Variants in INSC observed in about 807,000 individuals in gnomAD.
INSC encodes the protein protein inscuteable homolog.
In INSC, 67 loss-of-function variants were observed where a neutral mutation model predicts 58.6. The observed-to-expected ratio is 1.14, with a 90% CI of 0.94 to 1.40. The LOEUF (loss-of-function observed/expected upper bound fraction) is 1.40. Among genes scored for constraint, INSC ranks in the 40% most tolerant of loss-of-function variants. INSC has a pLI of 0.00. For synonymous variants in INSC, 262 were observed against 276.1 expected, an observed-to-expected ratio of 0.95 and a Z score of 0.51; for missense variants, 714 against 692.0, an observed-to-expected ratio of 1.03 and a Z score of -0.36.
At position 15,238,853 on chromosome 11, in the gene INSC, C is replaced by T. The variant is rs536327823; in HGVS notation, c.1238-66C>T. 9 of 1,538,678 alleles carry T rather than the reference C, an allele frequency of 5.8e-6. 1 individual carries two copies. The East Asian group carries it at 2.0e-4, about 35-fold the overall frequency. ...TGCTTGCACCCTGCAGCCATCTGTC[C>T]AGCTGGCCCCATGGGGAAGGCTCCA... On this transcript the variant is annotated intron_variant, in intron 10 of 12. Coordinates refer to ENST00000379556, the MANE Select transcript of INSC (RefSeq NM_001042536.3).
At chr11:15,156,528 G>T (rs916137776) in intron 2 of INSC, among the ~76,000 whole-genome samples, 8 of 152,194 alleles carry the variant, frequency 5.3e-5, no homozygotes. Context: ...AATCTCATAG[G>T]ATTGTTTTGA....
rs746029647 is a variant in INSC, at chr11:15,225,673, G to A, written c.1015G>A (p.Gly339Arg). The change falls in exon 9 of 13, where the codon GGG becomes AGG. Residue 339 changes from glycine (G) to arginine (R), a missense_variant. Transcript: ENST00000379556. ...AGAACTGTGCCAAGAGGCCTCATCA[G>A]GGGAAGTCTTCCTACTGGCCTCTGC... is the stretch of plus-strand genomic sequence containing the variant. ...LVKLCQEASS[G>R]EVFLLASAAL... is the part of the protein sequence containing the mutation. 1 of 1,614,044 alleles carries A rather than the reference G, an allele frequency of 6.2e-7. No homozygotes were observed. Among genetic ancestry groups the A allele is most frequent in the African/African-American group, 1.3e-5 (1 of 74,936 alleles).
intron 10 of INSC, among the ~76,000 whole-genome samples, chr11:15,236,208 T>A (rs2133970302): frequency 6.6e-6 from 1 of 151,618 alleles, no homozygotes; most frequent in South Asian, 2.1e-4. Context: ...AGATAATGTA[T>A]AAGAAGATAG....
At chr11:15,222,254 A>G (rs1851472256) in intron 8 of INSC, among the ~76,000 whole-genome samples, 1 of 152,204 alleles carries the variant, frequency 6.6e-6, no homozygotes, top group South Asian at 2.1e-4. Context: ...AATTATAGAA[A>G]CTGAAAGCGC....
At chr11:15,269,258 T>C in the INSC span, among the ~76,000 whole-genome samples, 1 of 152,094 alleles carries the variant, frequency 6.6e-6, no homozygotes, top group Non-Finnish European at 1.5e-5. Context: ...AATCTTTGCC[T>C]ATTATATATT....
intron 12 of INSC, among the ~76,000 whole-genome samples, chr11:15,243,902 T>C (rs1334531840): frequency 2.7e-5 from 4 of 147,366 alleles, no homozygotes; most frequent in Non-Finnish European, 4.4e-5. Flanking sequence ...TTTTTTTTTT[T>C]CCTCCATCTC....
At chr11:15,162,184 C>A (rs1239394011) in intron 2 of INSC, among the ~76,000 whole-genome samples, 7 of 152,116 alleles carry the variant, frequency 4.6e-5, no homozygotes, top group Non-Finnish European at 1.5e-5. Context: ...AGAATAAAAC[C>A]CAAAGTGCTT....
Position 15,125,117 on chromosome 11 carries a change from A to G in INSC, c.-46+10114A>G, listed in dbSNP as rs557100526. Among the ~76,000 whole-genome samples the G allele has an allele frequency of 6.1e-4, 93 of 152,320 alleles. 1 individual carries two copies. Among genetic ancestry groups the G allele is most frequent in the African/African-American group, 2.0e-3 (83 of 41,572 alleles). ...TGGGAGGTGGTTTATATATTTATAC[A>G]GGGTCAGGAGGTTTTCTCTGATAAG... is the stretch of plus-strand genomic sequence containing the variant. On this transcript the variant is annotated intron_variant, in intron 1 of 12. Transcript: ENST00000379556.
chr11:15,229,961 TATATATATATATATATA>T (rs1851799554), intron 9 of INSC, among the ~76,000 whole-genome samples: 6 of 33,212 alleles, frequency 1.8e-4, no homozygotes, highest in East Asian at 1.7e-3. Context: ...TATATATATT[TATATATATATATATATA>T]TTATATATAT....
At chr11:15,220,872 A>G (rs1490422125) in intron 7 of INSC, among the ~76,000 whole-genome samples, 1 of 152,236 alleles carries the variant, frequency 6.6e-6, no homozygotes, top group Non-Finnish European at 1.5e-5. Context: ...CAAGGCCACC[A>G]GGGAAGCAGC....
chr11:15,227,674 T>G (rs1431036750), intron 9 of INSC, among the ~76,000 whole-genome samples: 2 of 152,202 alleles, frequency 1.3e-5, no homozygotes, highest in Non-Finnish European at 2.9e-5. Flanking sequence ...TTGGCTTGAT[T>G]GACTCCTGAG....
chr11:15,225,430 G>A (rs1255207586), intron 8 of INSC, among the ~76,000 whole-genome samples: 1 of 152,102 alleles, frequency 6.6e-6, no homozygotes, highest in Non-Finnish European at 1.5e-5. Flanking sequence ...ATACTTATTG[G>A]ATGAAGGAGT....
intron 9 of INSC, 65 bp from the exon 10 acceptor site, chr11:15,235,537 C>A: frequency 7.8e-7 from 1 of 1,275,536 alleles, no homozygotes; most frequent in Non-Finnish European, 1.1e-6. Flanking sequence ...GCTGACCTGT[C>A]TGTAGGGAGG....
upstream of INSC, among the ~76,000 whole-genome samples, chr11:15,114,330 C>T (rs1025270782): frequency 3.3e-5 from 5 of 152,112 alleles, no homozygotes; most frequent in East Asian, 1.9e-4. Context: ...TCATTTTTGG[C>T]AGGTCCAAGA....
chr11:15,130,390 C>G (rs1388265317), intron 1 of INSC, among the ~76,000 whole-genome samples: 3 of 152,138 alleles, frequency 2.0e-5, no homozygotes, highest in Admixed American at 1.3e-4. Flanking sequence ...TTTCACTGAT[C>G]TGTTTTCTAA....
At chr11:15,181,427 C>T (rs1019847569) in intron 5 of INSC, among the ~76,000 whole-genome samples, 50 of 152,206 alleles carry the variant, frequency 3.3e-4, no homozygotes, top group Admixed American at 1.2e-3. Flanking sequence ...CCCCCTTCAC[C>T]CCAGTATTAA....
intron 5 of INSC, among the ~76,000 whole-genome samples, chr11:15,187,583 C>G (rs1850015807): frequency 6.6e-6 from 1 of 152,206 alleles, no homozygotes; most frequent in African/African-American, 2.4e-5. Flanking sequence ...GTTGCAGTTA[C>G]TCGTTTTCAG....
chr11:15,194,542 TA>T (rs1329102650), intron 6 of INSC, among the ~76,000 whole-genome samples: 4 of 152,232 alleles, frequency 2.6e-5, no homozygotes, highest in African/African-American at 9.6e-5. Flanking sequence ...TAGAGCACGG[TA>T]AATGCTTGTC....
chr11:15,222,702 T>G (rs1264808778), intron 8 of INSC, among the ~76,000 whole-genome samples: 1 of 152,228 alleles, frequency 6.6e-6, no homozygotes, highest in Non-Finnish European at 1.5e-5. Context: ...AATTTGGAGA[T>G]CTGCAAGTAC....
Sources: allele counts gnomAD v4.1 joint callset (sites outside exome capture counted in the v4.1 genomes callset), GRCh38; gene constraint gnomAD v4.1.1; transcripts MANE v1.5; gene names NCBI Gene and HGNC (gene_info 2026-07-23, HGNC 2026-07-21).